DIP2C: variants seen among roughly 807,000 people sequenced by gnomAD.
DIP2C encodes the protein DIP2 acetate--CoA ligase C (putative).
DIP2C carries 33 observed loss-of-function variants against 192.4 expected under a neutral mutation model. The observed-to-expected ratio is 0.17, with a 90% confidence interval of 0.13 to 0.23. DIP2C has a LOEUF of 0.23. DIP2C is among the 10% of genes least tolerant of loss of function. The pLI is 1.00. For missense variants in DIP2C, 1,537 were observed against 2,110.1 expected, an observed-to-expected ratio of 0.73 and a Z score of 5.32; for synonymous variants, 979 against 864.1, an observed-to-expected ratio of 1.13 and a Z score of -2.33.
At chr10:575,720 T>C (rs1042853627) in intron 1 of DIP2C, among the ~76,000 whole-genome samples, 4 of 152,068 alleles carry the variant, frequency 2.6e-5, no homozygotes, top group African/African-American at 9.7e-5. Flanking sequence ...GAGGAAGTCA[T>C]AGGGAGGGCA....
At chr10:413,809 G>C (rs1017405989) in intron 8 of DIP2C, 104 bp downstream of exon 8, 1 of 1,408,200 alleles carries the variant, frequency 7.1e-7, no homozygotes, top group East Asian at 2.4e-5. Context: ...GGTTAGCCTC[G>C]GGATTACCTT....
intron 1 of DIP2C, among the ~76,000 whole-genome samples, chr10:538,326 C>CT (rs201167917): frequency 0.014 from 2,104 of 151,840 alleles, 55 homozygotes; most frequent in African/African-American, 0.048. Flanking sequence ...TCGGCTAGTT[C>CT]TTTTTTGTAG....
At chr10:685,082 C>T (rs936570269) in intron 1 of DIP2C, among the ~76,000 whole-genome samples, 6 of 142,868 alleles carry the variant, frequency 4.2e-5, no homozygotes, top group Non-Finnish European at 6.0e-5. Flanking sequence ...TGCAATTAGC[C>T]GAGATTGCAC....
intron 1 of DIP2C, among the ~76,000 whole-genome samples, chr10:585,112 CCATT>C (rs1447562394): frequency 6.6e-6 from 1 of 152,242 alleles, no homozygotes; most frequent in Non-Finnish European, 1.5e-5. Context: ...GCCTTGGACA[CCATT>C]CAAATGGTAA....
At chr10:343,601 A>C (rs551695381) in intron 28 of DIP2C, among the ~76,000 whole-genome samples, 1 of 152,322 alleles carries the variant, frequency 6.6e-6, no homozygotes. Flanking sequence ...TTTTAAGGCA[A>C]ATTTTTGTTT....
At chr10:441,380 G>A (rs1162395068) in intron 3 of DIP2C, among the ~76,000 whole-genome samples, 1 of 151,992 alleles carries the variant, frequency 6.6e-6, no homozygotes, top group Non-Finnish European at 1.5e-5. Flanking sequence ...TCACAGCCAC[G>A]GTCACAGCTC....
chr10:461,728 A>G (rs1351208816), intron 3 of DIP2C, among the ~76,000 whole-genome samples: 1 of 152,204 alleles, frequency 6.6e-6, no homozygotes, highest in Non-Finnish European at 1.5e-5. Flanking sequence ...AATAGGATAT[A>G]CCTTCTTCTC....
intron 1 of DIP2C, among the ~76,000 whole-genome samples, chr10:555,942 G>T (rs1848832629): frequency 6.6e-6 from 1 of 151,938 alleles, no homozygotes; most frequent in Non-Finnish European, 1.5e-5. Context: ...AGCAGCCGCT[G>T]AGTAGGGGAA....
At chr10:653,988 A>G (rs1257995150) in intron 1 of DIP2C, among the ~76,000 whole-genome samples, 2 of 152,292 alleles carry the variant, frequency 1.3e-5, no homozygotes, top group East Asian at 3.9e-4. Context: ...TGCAAACAGG[A>G]ACACCACGAA....
intron 7 of DIP2C, among the ~76,000 whole-genome samples, chr10:414,927 A>G (rs1965533223): frequency 1.5e-5 from 2 of 135,388 alleles, no homozygotes; most frequent in Non-Finnish European, 3.1e-5. Context: ...TTTTTGGTAG[A>G]GACAGGGTTT....
rs193083852 is a variant in DIP2C, at chr10:411,279, A to G, written c.1058-2262T>C. On this transcript the variant is annotated intron_variant, in intron 8 of 36. Coordinates refer to ENST00000280886, the MANE Select transcript of DIP2C (RefSeq NM_014974.3). ...TATAGGTCTCTCCAGAAATCCACAG[A>G]GGAGGCAGAGGAAGAGCGTACCAGA... is the stretch of plus-strand genomic sequence containing the variant. Among the ~76,000 whole-genome samples, 578 of 152,380 alleles carry G rather than the reference A, an allele frequency of 3.8e-3. 5 individuals are homozygous for G. The highest frequency in any genetic ancestry group is 6.8e-3 in the Middle Eastern group (2 of 294).
In DIP2C at chr10:459,676, C is replaced by T. The variant is rs976467291; in HGVS notation, c.268+12763G>A. Among the ~76,000 whole-genome samples, 5 of 149,778 alleles carry T rather than the reference C, an allele frequency of 3.3e-5. No homozygotes were observed. In the South Asian group the frequency reaches 6.4e-4, roughly 19 times the overall value. On this transcript the variant is annotated intron_variant, in intron 3 of 36. Coordinates refer to ENST00000280886, the MANE Select transcript of DIP2C (RefSeq NM_014974.3). ...TCTTCCTCCCAGTCACATCAGGGAA[C>T]GGCGTGCTGCACGTGGGCTCTAGGA...
chr10:505,394 A>T (rs1351484651), intron 1 of DIP2C, among the ~76,000 whole-genome samples: 2 of 152,208 alleles, frequency 1.3e-5, no homozygotes, highest in Non-Finnish European at 2.9e-5. Context: ...CTACTGCCAC[A>T]ATTTGTGTGT....
rs568975557 is a variant in DIP2C at position 306,759 on chromosome 10, C to T, written c.3986+3272G>A. Among the ~76,000 whole-genome samples the T allele has an allele frequency of 3.9e-5, 6 of 152,352 alleles. No individual in the cohort carries two copies. In the East Asian group the frequency reaches 1.2e-3, roughly 29 times the overall value. On this transcript the variant is annotated intron_variant, in intron 32 of 36. Coordinates refer to ENST00000280886, the MANE Select transcript of DIP2C (RefSeq NM_014974.3). ...ATCAGAAGAGGTGAGTCCTCTGTCA[C>T]CATCCAGCTGCCGGAGCTCATAGTG... is the stretch of plus-strand genomic sequence containing the variant.
intron 1 of DIP2C, among the ~76,000 whole-genome samples, chr10:585,052 G>T (rs1190030811): frequency 3.3e-5 from 5 of 151,614 alleles, no homozygotes; most frequent in Non-Finnish European, 7.4e-5. Flanking sequence ...TCAATCTCAG[G>T]GCCCACGACC....
At chr10:500,696 A>G (rs1845163366) in intron 1 of DIP2C, among the ~76,000 whole-genome samples, 1 of 152,262 alleles carries the variant, frequency 6.6e-6, no homozygotes, top group African/African-American at 2.4e-5. Flanking sequence ...AATCTTTTAA[A>G]AGCTGGAAAT....
At chr10:387,228 G>C (rs984205333) in intron 14 of DIP2C, among the ~76,000 whole-genome samples, 2 of 152,158 alleles carry the variant, frequency 1.3e-5, no homozygotes, top group African/African-American at 4.8e-5. Context: ...GGCTGTTTTC[G>C]GCAGCTGTAA....
At chr10:670,149 CAT>C (rs746822995) in intron 1 of DIP2C, among the ~76,000 whole-genome samples, 9 of 152,214 alleles carry the variant, frequency 5.9e-5, no homozygotes, top group South Asian at 2.1e-4. Context: ...CACGTGTACA[CAT>C]ATGCACGTGC....
At chr10:505,375 C>G (rs55983763) in intron 1 of DIP2C, among the ~76,000 whole-genome samples, 1 of 152,224 alleles carries the variant, frequency 6.6e-6, no homozygotes, top group Non-Finnish European at 1.5e-5. Context: ...ACAGGGGCAT[C>G]TCCACCTTCT....
Sources: allele counts gnomAD v4.1 joint callset (sites outside exome capture counted in the v4.1 genomes callset), GRCh38; gene constraint gnomAD v4.1.1; transcripts MANE v1.5; gene names NCBI Gene and HGNC (gene_info 2026-07-23, HGNC 2026-07-21).